Variants in SAMD12 observed in about 807,000 individuals in gnomAD.
SAMD12 encodes the protein sterile alpha motif domain-containing protein 12.
Under a neutral mutation model 15.0 loss-of-function variants are expected in SAMD12, and 9 were observed. That is an observed-to-expected ratio of 0.60 (90% CI 0.36 to 1.05). SAMD12 has a LOEUF of 1.05. Ranked by LOEUF, SAMD12 falls within the 50% of genes least tolerant of loss-of-function variation. The pLI is 0.01. For missense variants in SAMD12, 230 were observed against 234.2 expected, an observed-to-expected ratio of 0.98 and a Z score of 0.12; for synonymous variants, 86 against 90.1, an observed-to-expected ratio of 0.96 and a Z score of 0.25.
the SAMD12 span, among the ~76,000 whole-genome samples, chr8:118,136,315 C>T: frequency 1.3e-5 from 2 of 152,204 alleles, no homozygotes; most frequent in Non-Finnish European, 2.9e-5. Context: ...CAGGCATGAG[C>T]CACCATGCCT....
At chr8:118,155,546 C>T in the SAMD12 span, among the ~76,000 whole-genome samples, 2 of 152,098 alleles carry the variant, frequency 1.3e-5, no homozygotes, top group Non-Finnish European at 2.9e-5. Flanking sequence ...TGCATGGGCA[C>T]CAGAAAGATG....
At chr8:118,147,158 G>T in the SAMD12 span, among the ~76,000 whole-genome samples, 1 of 151,774 alleles carries the variant, frequency 6.6e-6, no homozygotes, top group African/African-American at 2.4e-5. Flanking sequence ...CTGAGTAGCT[G>T]GGATTACAGG....
intron 2 of SAMD12, among the ~76,000 whole-genome samples, chr8:118,440,341 CT>C (rs1240336424): frequency 6.6e-6 from 1 of 152,174 alleles, no homozygotes; most frequent in African/African-American, 2.4e-5. Context: ...TTATCTCTCG[CT>C]GTCCCTGACA....
At chr8:118,563,973 T>C (rs1826778752) in intron 2 of SAMD12, among the ~76,000 whole-genome samples, 1 of 152,202 alleles carries the variant, frequency 6.6e-6, no homozygotes, top group Non-Finnish European at 1.5e-5. Flanking sequence ...TAAGCACTGC[T>C]GTAAATAACT....
At chr8:118,270,557 G>A (rs1813330843) in intron 4 of SAMD12, among the ~76,000 whole-genome samples, 2 of 150,930 alleles carry the variant, frequency 1.3e-5, no homozygotes, top group Admixed American at 6.6e-5. Flanking sequence ...GCCTTCTCTT[G>A]TAAATGTTTA....
intron 4 of SAMD12, among the ~76,000 whole-genome samples, chr8:118,286,266 T>C (rs1814008086): frequency 6.6e-6 from 1 of 151,876 alleles, no homozygotes; most frequent in African/African-American, 2.4e-5. Context: ...TGTATACATA[T>C]GTAACAAACC....
intron 4 of SAMD12, among the ~76,000 whole-genome samples, chr8:118,213,279 A>G: frequency 6.6e-6 from 1 of 152,112 alleles, no homozygotes; most frequent in Non-Finnish European, 1.5e-5. Context: ...ACAGCATATG[A>G]CAGAAATTTC....
intron 4 of SAMD12, among the ~76,000 whole-genome samples, chr8:118,297,697 T>G (rs1426489425): frequency 6.6e-6 from 1 of 152,196 alleles, no homozygotes; most frequent in Non-Finnish European, 1.5e-5. Context: ...TATTATAAAT[T>G]TTCAGAAGGG....
At chr8:118,572,312 C>T (rs1213407471) in intron 2 of SAMD12, among the ~76,000 whole-genome samples, 1 of 152,198 alleles carries the variant, frequency 6.6e-6, no homozygotes, top group East Asian at 1.9e-4. Context: ...AGAGACTTGC[C>T]TTGTCTGTAA....
At chr8:118,141,642 C>T in the SAMD12 span, among the ~76,000 whole-genome samples, 141 of 152,222 alleles carry the variant, frequency 9.3e-4, no homozygotes, top group Non-Finnish European at 1.5e-3. Flanking sequence ...GGCCAAATAA[C>T]TCTGGTGAAT....
the SAMD12 span, among the ~76,000 whole-genome samples, chr8:118,182,066 C>T: frequency 1.5e-4 from 23 of 152,218 alleles, no homozygotes; most frequent in African/African-American, 4.6e-4. Flanking sequence ...TTTGCTGCCT[C>T]GGAGGGGCAT....
chr8:118,206,281 C>G (rs748972386), intron 4 of SAMD12, among the ~76,000 whole-genome samples: 1 of 152,194 alleles, frequency 6.6e-6, no homozygotes, highest in African/African-American at 2.4e-5. Context: ...TCCCCCAGTA[C>G]TTAAATAGTA....
At chr8:118,470,441 G>A (rs1027234704) in intron 2 of SAMD12, among the ~76,000 whole-genome samples, 21 of 152,164 alleles carry the variant, frequency 1.4e-4, no homozygotes, top group African/African-American at 5.1e-4. Flanking sequence ...ATAGTGGAAA[G>A]AGCAGACCTG....
intron 2 of SAMD12, among the ~76,000 whole-genome samples, chr8:118,466,829 A>G (rs935131450): frequency 1.3e-5 from 2 of 152,200 alleles, no homozygotes; most frequent in African/African-American, 4.8e-5. Flanking sequence ...TGTGTTAAGA[A>G]GGAAAATTAA....
intron 2 of SAMD12, among the ~76,000 whole-genome samples, chr8:118,478,332 T>C (rs951807257): frequency 6.6e-6 from 1 of 152,110 alleles, no homozygotes; most frequent in African/African-American, 2.4e-5. Context: ...AGACCTGAAT[T>C]ATCAGGCTTA....
intron 4 of SAMD12, among the ~76,000 whole-genome samples, chr8:118,251,075 T>TA (rs1455982287): frequency 6.6e-6 from 1 of 152,112 alleles, no homozygotes; most frequent in African/African-American, 2.4e-5. Context: ...GAGGCAACAC[T>TA]AGCCCTTCCG....
intron 3 of SAMD12, among the ~76,000 whole-genome samples, chr8:118,404,933 G>A (rs1474000558): frequency 1.3e-5 from 2 of 152,036 alleles, no homozygotes; most frequent in Non-Finnish European, 2.9e-5. Context: ...AAGTGTTGGG[G>A]CTACAGGCAT....
At chr8:118,281,783 T>C (rs941929925) in intron 4 of SAMD12, among the ~76,000 whole-genome samples, 2 of 152,150 alleles carry the variant, frequency 1.3e-5, no homozygotes, top group African/African-American at 4.8e-5. Context: ...CCAGGAATGG[T>C]TAAAAGCCCT....
At chr8:118,299,244 A>C (rs1036935090) in intron 4 of SAMD12, among the ~76,000 whole-genome samples, 1 of 152,198 alleles carries the variant, frequency 6.6e-6, no homozygotes. Flanking sequence ...AGAGTCCCCA[A>C]GTAGGCTAGT....
Sources: gnomAD v4.1 joint callset for allele counts (sites outside exome capture counted in the v4.1 genomes callset) on GRCh38, gnomAD v4.1.1 for gene constraint, MANE v1.5 for transcripts, NCBI Gene and HGNC (gene_info 2026-07-23, HGNC 2026-07-21) for gene names.